Variants in LMBR1 observed in about 807,000 individuals in gnomAD.
LMBR1 encodes limb region 1 protein homolog.
LMBR1 carries 52 observed loss-of-function variants against 73.9 expected under a neutral mutation model. The observed-to-expected ratio is 0.70, with a 90% CI of 0.56 to 0.89. LMBR1 has a LOEUF of 0.89. Ranked by LOEUF, LMBR1 falls within the 40% of genes least tolerant of loss-of-function variation. The pLI, the probability that LMBR1 is intolerant of heterozygous loss-of-function variation, is 0.00. For missense variants in LMBR1, 539 were observed against 579.8 expected (o/e 0.93, Z 0.72); for synonymous variants, 215 against 209.4 (o/e 1.03, Z -0.23).
intron 8 of LMBR1, among the ~76,000 whole-genome samples, chr7:156,760,557 C>CCAAACAAA (rs200302774): frequency 0.014 from 2,086 of 149,590 alleles, 35 homozygotes; most frequent in African/African-American, 0.047. Context: ...AGAAAGAAGA[C>CCAAACAAA]CAAACAAACA....
intron 1 of LMBR1, among the ~76,000 whole-genome samples, chr7:156,844,161 C>A (rs1839202490): frequency 6.6e-6 from 1 of 151,826 alleles, no homozygotes. Flanking sequence ...CCCGTCTCTA[C>A]AAAAAATACA....
rs1823635737 is a variant in LMBR1 at position 156,764,050 on chromosome 7, A to C, written c.424-255T>G. 2.0e-5 allele frequency among the ~76,000 whole-genome samples: 3 copies of C among 152,244 alleles called. No individual in the cohort carries two copies. The highest frequency in any genetic ancestry group is 6.5e-5 in the Admixed American group (1 of 15,292). On this transcript the variant is annotated intron_variant, in intron 5 of 16. Coordinates refer to ENST00000353442, the MANE Select transcript of LMBR1 (RefSeq NM_022458.4). ...AAACATCTGCAGAGCCATTTTTAAC[A>C]ATTACTTTCCTAACACTTTCCACTA...
chr7:156,867,895 G>A (rs1043358522), intron 1 of LMBR1, among the ~76,000 whole-genome samples: 6 of 152,042 alleles, frequency 3.9e-5, no homozygotes, highest in African/African-American at 9.7e-5. Context: ...AAAAACTACC[G>A]AATTGGATAA....
chr7:156,873,325 G>A (rs140167159), intron 1 of LMBR1, among the ~76,000 whole-genome samples: 5,974 of 151,352 alleles, frequency 0.039, 170 homozygotes, highest in Non-Finnish European at 0.049. Context: ...TCCTGGTCTC[G>A]CTGGGCTCAG....
intron 1 of LMBR1, among the ~76,000 whole-genome samples, chr7:156,850,458 A>C (rs1374758538): frequency 2.0e-5 from 3 of 152,218 alleles, no homozygotes; most frequent in African/African-American, 7.2e-5. Flanking sequence ...CACCCTGCTT[A>C]GACTCTTGTA....
intron 15 of LMBR1, among the ~76,000 whole-genome samples, chr7:156,700,509 G>T (rs1330860753): frequency 6.6e-6 from 1 of 151,910 alleles, no homozygotes; most frequent in Non-Finnish European, 1.5e-5. Context: ...AAACCTGCAC[G>T]TTGTGCACAT....
intron 4 of LMBR1, among the ~76,000 whole-genome samples, chr7:156,820,061 C>T (rs1834513928): frequency 6.6e-6 from 1 of 152,152 alleles, no homozygotes; most frequent in African/African-American, 2.4e-5. Flanking sequence ...GTGGGGATTC[C>T]CACTACACCC....
chr7:156,887,658 AATAG>A (rs1225392874), intron 1 of LMBR1, among the ~76,000 whole-genome samples: 1 of 152,112 alleles, frequency 6.6e-6, no homozygotes, highest in Non-Finnish European at 1.5e-5. Flanking sequence ...CAAATGAAAA[AATAG>A]ATCAATTGGA....
intron 1 of LMBR1, among the ~76,000 whole-genome samples, chr7:156,859,570 TAA>T (rs201390398): frequency 1.8e-4 from 27 of 146,492 alleles, no homozygotes; most frequent in African/African-American, 5.1e-4. Context: ...GAATTTGAAA[TAA>T]AAAAAAAAAC....
intron 5 of LMBR1, among the ~76,000 whole-genome samples, chr7:156,795,831 T>C (rs1829981013): frequency 6.6e-6 from 1 of 152,154 alleles, no homozygotes; most frequent in African/African-American, 2.4e-5. Context: ...GGATTACAGG[T>C]GTGAGCCACT....
intron 1 of LMBR1, among the ~76,000 whole-genome samples, chr7:156,872,983 G>A (rs142144046): frequency 0.019 from 2,894 of 152,244 alleles, 88 homozygotes; most frequent in African/African-American, 0.066. Flanking sequence ...ATGAAGCCGC[G>A]GACCCTCACG....
In LMBR1 at chr7:156,691,864, A is replaced by AT. The variant is rs879644310; in HGVS notation, c.1226-3674dup. ...GTTTTCAAATCTCTTCCTCTAAACC[A>AT]TTTTTTTGAAATAATATTAGCTAAG... On this transcript the variant is annotated intron_variant, in intron 15 of 16. Transcript: ENST00000353442. Among the ~76,000 whole-genome samples the AT allele has an allele frequency of 7.9e-5, 12 of 152,314 alleles. No homozygotes were observed. The East Asian group carries it at 2.1e-3, about 27-fold the overall frequency.
At chr7:156,699,955 GA>G (rs1310606102) in intron 15 of LMBR1, among the ~76,000 whole-genome samples, 1 of 151,668 alleles carries the variant, frequency 6.6e-6, no homozygotes, top group African/African-American at 2.4e-5. Flanking sequence ...CTGTTGGTGG[GA>G]CTGTCAACCG....
intron 1 of LMBR1, among the ~76,000 whole-genome samples, chr7:156,847,081 C>A (rs114621151): frequency 0.015 from 2,263 of 152,176 alleles, 55 homozygotes; most frequent in African/African-American, 0.051. Flanking sequence ...AAAACACAGA[C>A]AAATATAAAT....
intron 1 of LMBR1, among the ~76,000 whole-genome samples, chr7:156,855,530 G>A (rs1355194613): frequency 2.0e-5 from 3 of 151,924 alleles, no homozygotes; most frequent in Admixed American, 6.6e-5. Flanking sequence ...CATAACATAC[G>A]TAACAGGAAT....
At chr7:156,751,712 T>C (rs868495438) in intron 9 of LMBR1, among the ~76,000 whole-genome samples, 3 of 152,268 alleles carry the variant, frequency 2.0e-5, no homozygotes, top group East Asian at 1.9e-4. Context: ...GGAATCCATA[T>C]GGGAATTAAG....
intron 1 of LMBR1, among the ~76,000 whole-genome samples, chr7:156,891,739 G>A (rs147151085): frequency 4.1e-4 from 62 of 152,278 alleles, no homozygotes; most frequent in African/African-American, 1.4e-3. Context: ...AAGGGTACAT[G>A]TATGATTACA....
At chr7:156,793,310 T>C (rs1456797856) in intron 5 of LMBR1, among the ~76,000 whole-genome samples, 2 of 152,228 alleles carry the variant, frequency 1.3e-5, no homozygotes, top group Non-Finnish European at 2.9e-5. Context: ...TTAACACATT[T>C]AGACTTAACG....
At chr7:156,738,813 G>C (rs1818375352) in intron 9 of LMBR1, among the ~76,000 whole-genome samples, 1 of 152,104 alleles carries the variant, frequency 6.6e-6, no homozygotes, top group Non-Finnish European at 1.5e-5. Context: ...AAAGATCCAG[G>C]AGTGACATAT....
Sources: allele counts gnomAD v4.1 joint callset (sites outside exome capture counted in the v4.1 genomes callset), GRCh38; gene constraint gnomAD v4.1.1; transcripts MANE v1.5; gene names NCBI Gene and HGNC (gene_info 2026-07-23, HGNC 2026-07-21).